Variants in NEDD4L observed in about 807,000 individuals in gnomAD.
NEDD4L encodes E3 ubiquitin-protein ligase NEDD4-like.
NEDD4L carries 54 observed loss-of-function variants against 148.9 expected under a neutral mutation model. The observed-to-expected ratio is 0.36, with a 90% CI of 0.29 to 0.45. The LOEUF is 0.45. NEDD4L is among the 20% of genes least tolerant of loss of function. The pLI, the probability that NEDD4L is intolerant of heterozygous loss-of-function variation, is 1.00. For missense variants in NEDD4L, 856 were observed against 1,233.8 expected, an observed-to-expected ratio of 0.69 and a Z score of 4.59; for synonymous variants, 433 against 440.7, an observed-to-expected ratio of 0.98 and a Z score of 0.22.
intron 5 of NEDD4L, among the ~76,000 whole-genome samples, chr18:58,267,320 A>G (rs2050356782): frequency 6.6e-6 from 1 of 152,058 alleles, no homozygotes; most frequent in Non-Finnish European, 1.5e-5. Flanking sequence ...ATATTTTAAG[A>G]TCATGTACTC....
chr18:58,171,736 A>G (rs1266446898), intron 2 of NEDD4L, among the ~76,000 whole-genome samples: 1 of 152,224 alleles, frequency 6.6e-6, no homozygotes, highest in Non-Finnish European at 1.5e-5. Context: ...TGGCTCTTCA[A>G]GCATCTCTCC....
chr18:58,115,245 C>CTTTTT (rs60541981), intron 1 of NEDD4L, among the ~76,000 whole-genome samples: 117 of 129,478 alleles, frequency 9.0e-4, no homozygotes, highest in African/African-American at 1.6e-3. Context: ...TTCTTTCTTT[C>CTTTTT]TTTTTTTTTT....
At chr18:58,221,236 A>C (rs292453) in intron 2 of NEDD4L, among the ~76,000 whole-genome samples, 49,882 of 152,092 alleles carry the variant, frequency 0.33, 8,824 homozygotes, top group East Asian at 0.69. Flanking sequence ...CTACTGTTGG[A>C]AATGCCAAAA....
intron 1 of NEDD4L, among the ~76,000 whole-genome samples, chr18:58,085,285 C>CACA (rs986010011): frequency 4.4e-4 from 66 of 151,548 alleles, no homozygotes; most frequent in African/African-American, 1.3e-3. Flanking sequence ...ACAGATGTGA[C>CACA]GCAGCAGGTG....
chr18:58,056,630 G>A (rs2082097386), intron 1 of NEDD4L, among the ~76,000 whole-genome samples: 2 of 151,896 alleles, frequency 1.3e-5, no homozygotes, highest in Admixed American at 1.3e-4. Context: ...GCCCAAGCAA[G>A]AGTGCAGTGA....
chr18:58,388,204 T>C (rs1227310785), intron 27 of NEDD4L: 2 of 152,270 alleles, frequency 1.3e-5, no homozygotes, highest in East Asian at 3.8e-4. Context: ...GACTGTCTGT[T>C]GAGAAGCCGT....
rs529990839 is a variant in NEDD4L, at chr18:58,285,906, C to T, written c.298-30076C>T. Among the ~76,000 whole-genome samples the T allele has an allele frequency of 2.6e-5, 4 of 152,342 alleles. No individual in the cohort carries two copies. In the East Asian group the frequency reaches 5.8e-4, roughly 22 times the overall value. ...ACATGTTCAGCAAGCTGTTATCTTG[C>T]TTACGCAATGAATAGAACATTATGT... On this transcript the variant is annotated intron_variant, in intron 5 of 30. Transcript: ENST00000400345.
intron 24 of NEDD4L, among the ~76,000 whole-genome samples, chr18:58,374,481 A>AC (rs2047286240): frequency 7.1e-6 from 1 of 141,808 alleles, no homozygotes; most frequent in Admixed American, 7.0e-5. Flanking sequence ...CCTCCTCCCC[A>AC]CCCCACTGTG....
At chr18:58,212,317 G>A (rs1486107885) in intron 2 of NEDD4L, among the ~76,000 whole-genome samples, 2 of 152,014 alleles carry the variant, frequency 1.3e-5, no homozygotes, top group Admixed American at 6.5e-5. Flanking sequence ...AGACATACCT[G>A]AGACGGGGCA....
chr18:58,394,573 A>G (rs2050242661), intron 30 of NEDD4L, among the ~76,000 whole-genome samples: 1 of 152,224 alleles, frequency 6.6e-6, no homozygotes, highest in Admixed American at 6.5e-5. Flanking sequence ...CTTTATTAAT[A>G]TGATAATAGA....
At chr18:58,290,293 T>C (rs1218446550) in intron 5 of NEDD4L, among the ~76,000 whole-genome samples, 2 of 152,264 alleles carry the variant, frequency 1.3e-5, no homozygotes, top group African/African-American at 4.8e-5. Context: ...CTAATCTTAT[T>C]AAAGTGCAAC....
chr18:58,134,192 G>C (rs2032534027), intron 1 of NEDD4L, among the ~76,000 whole-genome samples: 1 of 150,086 alleles, frequency 6.7e-6, no homozygotes, highest in Non-Finnish European at 1.5e-5. Context: ...GTAGAGACGG[G>C]GTTTCACCAT....
intron 1 of NEDD4L, among the ~76,000 whole-genome samples, chr18:58,156,529 C>T (rs1419257894): frequency 6.6e-6 from 1 of 152,122 alleles, no homozygotes; most frequent in Non-Finnish European, 1.5e-5. Flanking sequence ...GTGTGCAGGC[C>T]TTCTAAAATC....
intron 2 of NEDD4L, among the ~76,000 whole-genome samples, chr18:58,235,057 A>G (rs1329109822): frequency 6.6e-6 from 1 of 151,998 alleles, no homozygotes. Context: ...CCCACCGAGA[A>G]GCCCAGAATG....
At chr18:58,181,349 G>C (rs888539987) in intron 2 of NEDD4L, among the ~76,000 whole-genome samples, 1 of 152,162 alleles carries the variant, frequency 6.6e-6, no homozygotes, top group African/African-American at 2.4e-5. Context: ...GAGATAAAAT[G>C]TTTAGGATTC....
At position 58,080,071 on chromosome 18, in the gene NEDD4L, C is replaced by G. The variant is rs55784553; in HGVS notation, c.48+35363C>G. On this transcript the variant is annotated intron_variant, in intron 1 of 30. Coordinates refer to ENST00000400345, the MANE Select transcript of NEDD4L (RefSeq NM_001144967.3). ...CTCAGCCTCCTGAGTAGTTGCCATGCGTAACACCGTGCCTTGCTAAGTTTT... is the reference window on the plus strand; with the variant it reads ...CTCAGCCTCCTGAGTAGTTGCCATGGGTAACACCGTGCCTTGCTAAGTTTT... 3.5e-4 allele frequency among the ~76,000 whole-genome samples: 54 copies of G among 152,154 alleles called. 1 individual carries two copies. The South Asian group carries it at 0.011, about 30-fold the overall frequency.
intron 1 of NEDD4L, among the ~76,000 whole-genome samples, chr18:58,099,699 T>C (rs984747408): frequency 5.3e-5 from 8 of 152,168 alleles, no homozygotes; most frequent in Non-Finnish European, 8.8e-5. Context: ...CTTGACTATA[T>C]TGAAAGAGTT....
intron 1 of NEDD4L, among the ~76,000 whole-genome samples, chr18:58,161,862 T>A (rs539656155): frequency 6.6e-6 from 1 of 152,140 alleles, no homozygotes; most frequent in African/African-American, 2.4e-5. Context: ...TGAAGAGGCC[T>A]CATACCTTTT....
chr18:58,326,739 T>G (rs1444733412), intron 9 of NEDD4L, among the ~76,000 whole-genome samples: 1 of 152,212 alleles, frequency 6.6e-6, no homozygotes, highest in Non-Finnish European at 1.5e-5. Flanking sequence ...AATATGTATA[T>G]GGAAAAATAT....
Sources: gnomAD v4.1 joint callset for allele counts (sites outside exome capture counted in the v4.1 genomes callset) on GRCh38, gnomAD v4.1.1 for gene constraint, MANE v1.5 for transcripts, NCBI Gene and HGNC (gene_info 2026-07-23, HGNC 2026-07-21) for gene names.